The following CDH4 variants were observed in gnomAD, a reference collection of about 807,000 sequenced individuals.
CDH4 encodes cadherin-4.
In CDH4, 33 loss-of-function variants were observed where a neutral mutation model predicts 86.0. The observed-to-expected ratio is 0.38, with a 90% CI of 0.29 to 0.51. The LOEUF is 0.51. Among genes scored for constraint, CDH4 ranks in the 20% least tolerant of loss-of-function variants. The pLI, the probability that CDH4 is intolerant of heterozygous loss-of-function variation, is 0.86. For missense variants in CDH4, 1,114 were observed against 1,307.4 expected, an observed-to-expected ratio of 0.85 and a Z score of 2.28; for synonymous variants, 555 against 549.4, an observed-to-expected ratio of 1.01 and a Z score of -0.14.
chr20:61,484,809 A>C (rs2085587190), intron 2 of CDH4, among the ~76,000 whole-genome samples: 1 of 152,150 alleles, frequency 6.6e-6, no homozygotes, highest in South Asian at 2.1e-4. Flanking sequence ...CCGCATCATC[A>C]CAGTGTTGAG....
chr20:61,318,487 G>T (rs2084490098), intron 2 of CDH4, among the ~76,000 whole-genome samples: 1 of 152,070 alleles, frequency 6.6e-6, no homozygotes, highest in Non-Finnish European at 1.5e-5. Flanking sequence ...GATTAACTGG[G>T]ACTCTCCTAA....
intron 2 of CDH4, among the ~76,000 whole-genome samples, chr20:61,667,290 C>T (rs890342076): frequency 6.6e-6 from 1 of 152,296 alleles, no homozygotes; most frequent in East Asian, 1.9e-4. Context: ...ACGGAGCCCT[C>T]GATGCACATC....
intron 2 of CDH4, among the ~76,000 whole-genome samples, chr20:61,398,561 T>G (rs1568829417): frequency 6.6e-6 from 1 of 152,208 alleles, no homozygotes; most frequent in Non-Finnish European, 1.5e-5. Context: ...CCAGGGAGTC[T>G]CCCGGCGAAA....
intron 2 of CDH4, among the ~76,000 whole-genome samples, chr20:61,536,767 T>G (rs567393503): frequency 6.6e-6 from 1 of 152,342 alleles, no homozygotes; most frequent in African/African-American, 2.4e-5. Context: ...AGCAGTGCCC[T>G]GGCATCTGGT....
At chr20:61,563,077 G>T (rs554141562) in intron 2 of CDH4, among the ~76,000 whole-genome samples, 3 of 152,330 alleles carry the variant, frequency 2.0e-5, no homozygotes, top group Non-Finnish European at 4.4e-5. Flanking sequence ...GGGTCCGTGG[G>T]GAGCCCAGGC....
chr20:61,737,104 A>G (rs2088275542), intron 2 of CDH4, among the ~76,000 whole-genome samples: 1 of 152,014 alleles, frequency 6.6e-6, no homozygotes, highest in African/African-American at 2.4e-5. Context: ...TGTTGCTTGG[A>G]TGGCTTTGCA....
At chr20:61,319,775 C>G (rs1262830063) in intron 2 of CDH4, among the ~76,000 whole-genome samples, 7 of 147,558 alleles carry the variant, frequency 4.7e-5, no homozygotes, top group Non-Finnish European at 1.0e-4. Flanking sequence ...TGGTAAAACA[C>G]CATCTCAATT....
At position 61,517,927 on chromosome 20, in the gene CDH4, C is replaced by G. The variant is rs2085834642; in HGVS notation, c.170-225636C>G. 6.6e-6 allele frequency among the ~76,000 whole-genome samples: 1 copy of G among 152,198 alleles called. No homozygotes were observed. Among genetic ancestry groups the G allele is most frequent in the African/African-American group, 2.4e-5 (1 of 41,444 alleles). ...GGTCCCTCCCCCAAATGCACAGACA[C>G]AGCCAGACAGCTTCTGGGGCTGATT... On this transcript the variant is annotated intron_variant, in intron 2 of 15. Transcript: ENST00000614565. This position sits in a 1 kb window ranked among gnomAD's most constrained non-coding sequence, Gnocchi z 6.6.
rs1331174235 is a variant in CDH4, at chr20:61,518,904, ATCAT to A, written c.170-224650_170-224647del. The stretch of plus-strand genomic sequence containing the variant: ...CAATCCACCCATCATCCATTCATCC[ATCAT>A]TCATTCATCTACCCACCTCATTCAT... On this transcript the variant is annotated intron_variant, in intron 2 of 15. Transcript: ENST00000614565. The surrounding 1 kb of genome is among the most constrained non-coding windows in gnomAD (Gnocchi z 6.3). Among the ~76,000 whole-genome samples the A allele has an allele frequency of 4.0e-5, 6 of 151,826 alleles. No individual in the cohort carries two copies. The highest frequency in any genetic ancestry group is 4.2e-4 in the South Asian group (2 of 4,782).
intron 2 of CDH4, among the ~76,000 whole-genome samples, chr20:61,724,826 G>C (rs1855559170): frequency 6.6e-6 from 1 of 152,202 alleles, no homozygotes; most frequent in Non-Finnish European, 1.5e-5. Context: ...AAAAAAGAGA[G>C]AGGGCCAGGC....
At chr20:61,576,530 T>C (rs1468764974) in intron 2 of CDH4, among the ~76,000 whole-genome samples, 2 of 152,260 alleles carry the variant, frequency 1.3e-5, no homozygotes, top group South Asian at 2.1e-4. Flanking sequence ...GGCAAAAATA[T>C]GTCTGTACCA....
At chr20:61,799,719 T>C (rs1464099230) in intron 4 of CDH4, among the ~76,000 whole-genome samples, 2 of 152,194 alleles carry the variant, frequency 1.3e-5, no homozygotes, top group Admixed American at 6.5e-5. Flanking sequence ...TCCTGGGTCC[T>C]TCAAGCCCCT....
chr20:61,256,808 T>C (rs1037971138), intron 2 of CDH4, among the ~76,000 whole-genome samples: 1 of 152,220 alleles, frequency 6.6e-6, no homozygotes. Context: ...TGTAGTCGCA[T>C]TGCTTCTCCT....
intron 3 of CDH4, among the ~76,000 whole-genome samples, chr20:61,766,465 G>A (rs1568803753): frequency 2.6e-5 from 4 of 152,054 alleles, no homozygotes; most frequent in Non-Finnish European, 4.4e-5. Context: ...CCCCAGCTCT[G>A]CCCCTTCTCA....
intron 2 of CDH4, among the ~76,000 whole-genome samples, chr20:61,529,523 A>G (rs546597542): frequency 1.3e-5 from 2 of 152,350 alleles, no homozygotes; most frequent in East Asian, 1.9e-4. Context: ...ATGTGTTGCA[A>G]CATGCCATGG....
In CDH4 at chr20:61,518,879, C is replaced by G. The variant is rs1167189487; in HGVS notation, c.170-224684C>G. Among the ~76,000 whole-genome samples the G allele has an allele frequency of 1.3e-5, 2 of 151,910 alleles. No homozygotes were observed. The highest frequency in any genetic ancestry group is 4.8e-5 in the African/African-American group (2 of 41,358). ...ACCCATTCATCCATCATTCATTCAT[C>G]AATCCACCCATCATCCATTCATCCA... is the stretch of plus-strand genomic sequence containing the variant. On this transcript the variant is annotated intron_variant, in intron 2 of 15. Transcript: ENST00000614565. This position sits in a 1 kb window ranked among gnomAD's most constrained non-coding sequence, Gnocchi z 6.3.
intron 2 of CDH4, among the ~76,000 whole-genome samples, chr20:61,369,290 A>T (rs1428178729): frequency 6.6e-6 from 1 of 151,726 alleles, no homozygotes; most frequent in Non-Finnish European, 1.5e-5. Flanking sequence ...CTCTCTACTA[A>T]AAATACAAAA....
Position 61,900,438 on chromosome 20 carries a change from C to T in CDH4, c.1188+5391C>T, listed in dbSNP as rs553150160. 4.2e-4 allele frequency among the ~76,000 whole-genome samples: 64 copies of T among 152,294 alleles called. 1 individual carries two copies. The highest frequency in any genetic ancestry group is 1.5e-3 in the African/African-American group (62 of 41,562). On this transcript the variant is annotated intron_variant, in intron 8 of 15. Coordinates refer to ENST00000614565, the MANE Select transcript of CDH4 (RefSeq NM_001794.5). ...GGACCAGGAGCTCCCACCCACCCGA[C>T]ATCACCTCCCGCCTCCTTGCTCCTC...
chr20:61,872,936 A>G (rs1983869610), intron 6 of CDH4, among the ~76,000 whole-genome samples: 1 of 152,208 alleles, frequency 6.6e-6, no homozygotes. Flanking sequence ...TCCTGAGGCC[A>G]CAGGGTGGGG....
Sources: gnomAD v4.1 joint callset for allele counts (sites outside exome capture counted in the v4.1 genomes callset) on GRCh38, gnomAD v4.1.1 for gene constraint, Gnocchi (gnomAD v3.1) non-coding constraint, MANE v1.5 for transcripts, NCBI Gene and HGNC (gene_info 2026-07-23, HGNC 2026-07-21) for gene names.